CNTN6: variants seen among roughly 807,000 people sequenced by gnomAD.
CNTN6 encodes contactin-6.
In CNTN6, 137 loss-of-function variants were observed where a neutral mutation model predicts 122.8. The ratio of observed to expected loss-of-function variants is 1.12; its 90% CI spans 0.97 to 1.29. The LOEUF (loss-of-function observed/expected upper bound fraction) is 1.29. Ranked by LOEUF, CNTN6 falls within the 50% of genes most tolerant of loss-of-function variation. CNTN6 has a pLI of 0.00. For missense variants in CNTN6, 1,634 were observed against 1,223.4 expected, an observed-to-expected ratio of 1.34 and a Z score of -5.01; for synonymous variants, 570 against 426.0, an observed-to-expected ratio of 1.34 and a Z score of -4.16.
chr3:1,324,298 A>T (rs1022675083), intron 8 of CNTN6, among the ~76,000 whole-genome samples: 1 of 148,690 alleles, frequency 6.7e-6, no homozygotes, highest in African/African-American at 2.6e-5. Context: ...CAGTAGAAAA[A>T]CTCTAGAAGT....
At chr3:1,126,976 G>T (rs1029156771) in intron 1 of CNTN6, among the ~76,000 whole-genome samples, 7 of 151,566 alleles carry the variant, frequency 4.6e-5, no homozygotes, top group African/African-American at 1.7e-4. Flanking sequence ...GTTATATATA[G>T]ACATCTGCAT....
chr3:1,173,323 G>C lies in CNTN6; in HGVS notation c.55+25260G>C, dbSNP rs371001726. On this transcript the variant is annotated intron_variant, in intron 2 of 22. Coordinates refer to ENST00000446702, the MANE Select transcript of CNTN6 (RefSeq NM_001289080.2). ...CACCTGGCGGTTTGCAAAGAGGTGA[G>C]TGTGAATGCTCCAGTAAAAACAGCT... 47 of 456,572 alleles carry C rather than the reference G, an allele frequency of 1.0e-4. 1 individual carries two copies. In the Middle Eastern group the frequency reaches 1.6e-3, roughly 16 times the overall value. 28.3% of individuals were successfully genotyped at this position (456,572 alleles called of 1,614,324 possible).
At chr3:1,363,501 T>G (rs1707776452) in intron 12 of CNTN6, among the ~76,000 whole-genome samples, 1 of 151,930 alleles carries the variant, frequency 6.6e-6, no homozygotes, top group Non-Finnish European at 1.5e-5. Context: ...ACCTATAATT[T>G]AGATCATACA....
chr3:1,211,930 C>T (rs2094044561), intron 2 of CNTN6, among the ~76,000 whole-genome samples: 1 of 152,138 alleles, frequency 6.6e-6, no homozygotes, highest in Non-Finnish European at 1.5e-5. Context: ...AGGATCTCCA[C>T]AGTTTAAGAG....
chr3:1,129,493 G>A (rs950642142), intron 1 of CNTN6, among the ~76,000 whole-genome samples: 1 of 151,964 alleles, frequency 6.6e-6, no homozygotes, highest in Non-Finnish European at 1.5e-5. Context: ...GCCCTTTCCT[G>A]TTTTGTGACC....
intron 1 of CNTN6, among the ~76,000 whole-genome samples, chr3:1,113,922 G>A (rs938400665): frequency 6.6e-6 from 1 of 152,140 alleles, no homozygotes; most frequent in African/African-American, 2.4e-5. Flanking sequence ...TACAGTATGG[G>A]CACAGAGCAA....
intron 1 of CNTN6, among the ~76,000 whole-genome samples, chr3:1,139,359 C>G (rs761413938): frequency 3.9e-5 from 6 of 152,050 alleles, no homozygotes; most frequent in Non-Finnish European, 7.4e-5. Context: ...GCACTGAAAG[C>G]AAAAATAATT....
chr3:1,262,968 C>A (rs192565562), intron 4 of CNTN6, among the ~76,000 whole-genome samples: 324 of 151,910 alleles, frequency 2.1e-3, no homozygotes, highest in Middle Eastern at 0.014. Context: ...ATCTACATAT[C>A]GTTTAAATCA....
At chr3:1,189,779 G>A (rs1042183923) in intron 2 of CNTN6, among the ~76,000 whole-genome samples, 1 of 152,022 alleles carries the variant, frequency 6.6e-6, no homozygotes, top group Non-Finnish European at 1.5e-5. Context: ...CCAAACCCAA[G>A]GAAGAGAAAA....
At chr3:1,105,497 T>A (rs1402379709) in intron 1 of CNTN6, among the ~76,000 whole-genome samples, 1 of 152,182 alleles carries the variant, frequency 6.6e-6, no homozygotes, top group East Asian at 1.9e-4. Flanking sequence ...GAAAAATGTT[T>A]TATAAATTAT....
intron 1 of CNTN6, among the ~76,000 whole-genome samples, chr3:1,113,357 A>G (rs1218964688): frequency 6.6e-6 from 1 of 152,180 alleles, no homozygotes; most frequent in African/African-American, 2.4e-5. Flanking sequence ...AATGAGAGGC[A>G]TATGTATATT....
chr3:1,098,628 G>A (rs1486295249), intron 1 of CNTN6, among the ~76,000 whole-genome samples: 1 of 151,022 alleles, frequency 6.6e-6, no homozygotes, highest in Non-Finnish European at 1.5e-5. Context: ...TTCTATTGCA[G>A]AATCTATAAA....
intron 4 of CNTN6, among the ~76,000 whole-genome samples, chr3:1,238,339 CAAAG>C (rs1226472664): frequency 6.6e-6 from 1 of 152,026 alleles, no homozygotes; most frequent in African/African-American, 2.4e-5. Context: ...TTTAAACAAA[CAAAG>C]AGGGACATTA....
At chr3:1,254,658 T>C (rs971939655) in intron 4 of CNTN6, among the ~76,000 whole-genome samples, 9 of 152,062 alleles carry the variant, frequency 5.9e-5, no homozygotes, top group African/African-American at 1.7e-4. Context: ...ATGTACAGCA[T>C]AAAAAATGTA....
intron 12 of CNTN6, among the ~76,000 whole-genome samples, chr3:1,372,065 A>C (rs986598054): frequency 2.6e-5 from 4 of 152,134 alleles, no homozygotes; most frequent in Non-Finnish European, 5.9e-5. Context: ...TTTTCTGTAA[A>C]CTATTTTCAT....
intron 1 of CNTN6, among the ~76,000 whole-genome samples, chr3:1,106,364 G>A (rs1241715649): frequency 2.0e-5 from 3 of 152,032 alleles, no homozygotes; most frequent in African/African-American, 7.2e-5. Flanking sequence ...AACACATTAT[G>A]TTAATATTTG....
At chr3:1,326,388 G>A (rs987674914) in intron 9 of CNTN6, among the ~76,000 whole-genome samples, 2 of 151,890 alleles carry the variant, frequency 1.3e-5, no homozygotes, top group African/African-American at 4.8e-5. Flanking sequence ...GTTTCAAAGA[G>A]GTTAGGCTAC....
chr3:1,235,907 C>G (rs188803834), intron 4 of CNTN6, among the ~76,000 whole-genome samples: 1 of 151,568 alleles, frequency 6.6e-6, no homozygotes, highest in African/African-American at 2.4e-5. Context: ...TTAGGACTCA[C>G]GCTGTGTGGG....
chr3:1,363,401 G>C (rs1707762963), intron 12 of CNTN6, among the ~76,000 whole-genome samples: 1 of 151,762 alleles, frequency 6.6e-6, no homozygotes, highest in Non-Finnish European at 1.5e-5. Flanking sequence ...TTGTACCTTT[G>C]ACCAGAATCT....
Sources: gnomAD v4.1 joint callset for allele counts (sites outside exome capture counted in the v4.1 genomes callset) on GRCh38, gnomAD v4.1.1 for gene constraint, MANE v1.5 for transcripts, NCBI Gene and HGNC (gene_info 2026-07-23, HGNC 2026-07-21) for gene names.